Variants in NR2E1 observed in about 807,000 individuals in gnomAD.
NR2E1 encodes nuclear receptor TLX.
A neutral mutation model predicts 43.6 loss-of-function variants in NR2E1; 5 were observed. That is an observed-to-expected ratio of 0.11 (90% CI 0.06 to 0.24). The LOEUF (loss-of-function observed/expected upper bound fraction) is 0.24, where lower values mean the gene tolerates loss of function less well. NR2E1 is among the 10% of genes least tolerant of loss of function. The pLI is 1.00. For synonymous variants in NR2E1, 191 were observed against 195.5 expected (o/e 0.98, Z 0.19); for missense variants, 287 against 496.7 (o/e 0.58, Z 4.01).
intron 3 of NR2E1, chr6:108,176,174 T>C (rs1253040642): frequency 3.1e-5 from 12 of 383,066 alleles, no homozygotes; most frequent in Non-Finnish European, 5.7e-5. Context: ...AGAGGGTCTC[T>C]GGTTTCCCTG....
Position 108,169,906 on chromosome 6 carries a change from C to T in NR2E1, c.26-1552C>T, listed in dbSNP as rs1485509160. ...GTGGCTCTATAGGCAGGTGCTGCCG[C>T]GGGGTTGTAATTACCCGGCCGAGCC... is the stretch of plus-strand genomic sequence containing the variant. On this transcript the variant is annotated intron_variant, in intron 1 of 8. Coordinates refer to ENST00000368986, the MANE Select transcript of NR2E1 (RefSeq NM_003269.5). This position sits in a 1 kb window ranked among gnomAD's most constrained non-coding sequence, Gnocchi z 6.1. Among the ~76,000 whole-genome samples, 1 of 152,128 alleles carries T rather than the reference C, an allele frequency of 6.6e-6. No homozygotes were observed. Among genetic ancestry groups the T allele is most frequent in the Non-Finnish European group, 1.5e-5 (1 of 68,018 alleles).
In NR2E1 at chr6:108,166,584, T is replaced by C. The variant is rs1773711634; in HGVS notation, c.-182T>C. The C allele has an allele frequency of 3.8e-6, 2 of 532,280 alleles. No individual in the cohort carries two copies. Among genetic ancestry groups the C allele is most frequent in the East Asian group, 3.3e-5 (1 of 30,106 alleles). The allele number at this position is 532,280 out of a possible 1,614,324, so 33.0% of individuals were successfully genotyped here. A position where few individuals can be genotyped will look rare whatever the true frequency, so the allele number is the denominator to read the frequency against. ...AACTTAAGGATGCTTAAATTTCCAC[T>C]GTTGGACGAATTCTGAGCGCCCAGG... On this transcript the variant is annotated 5_prime_UTR_variant, in exon 1 of 9. Transcript: ENST00000368986. This position sits in a 1 kb window ranked among gnomAD's most constrained non-coding sequence, Gnocchi z 7.2.
intron 1 of NR2E1, among the ~76,000 whole-genome samples, chr6:108,170,854 A>G (rs1259926335): frequency 1.3e-5 from 2 of 152,186 alleles, no homozygotes; most frequent in South Asian, 2.1e-4. Context: ...CTCACCAAGC[A>G]TTTTTTAAAT....
chr6:108,167,548 G>A (rs1773730027), intron 1 of NR2E1, among the ~76,000 whole-genome samples: 1 of 152,084 alleles, frequency 6.6e-6, no homozygotes, highest in South Asian at 2.1e-4. Flanking sequence ...GTGTGTGTGC[G>A]AGGGCATTTG....
At chr6:108,171,745 C>A in intron 2 of NR2E1, 142 bp downstream of exon 2, 2 of 1,112,904 alleles carry the variant, frequency 1.8e-6, no homozygotes, top group Non-Finnish European at 2.7e-6. Flanking sequence ...CTCCTTCTTG[C>A]CTCAACTCTT....
At chr6:108,170,604 T>A (rs385029) in intron 1 of NR2E1, among the ~76,000 whole-genome samples, 105,058 of 148,650 alleles carry the variant, frequency 0.71, 38,484 homozygotes, top group African/African-American at 0.91. Context: ...ATTCTTAATT[T>A]AAAAAAAAAT....
chr6:108,168,033 C>G, intron 1 of NR2E1: 1 of 1,595,628 alleles, frequency 6.3e-7, no homozygotes, highest in Non-Finnish European at 8.5e-7. Context: ...AGAAATGTTT[C>G]GAGCTGGGGC....
intron 5 of NR2E1, among the ~76,000 whole-genome samples, chr6:108,179,762 A>G (rs1773955156): frequency 6.6e-6 from 1 of 152,064 alleles, no homozygotes; most frequent in African/African-American, 2.4e-5. Context: ...CTGTCCATTT[A>G]TGGGTCTCAG....
chr6:108,169,905 G>A lies in NR2E1; in HGVS notation c.26-1553G>A, dbSNP rs1773777337. Among the ~76,000 whole-genome samples, 1 of 152,072 alleles carries A rather than the reference G, an allele frequency of 6.6e-6. No individual in the cohort carries two copies. The highest frequency in any genetic ancestry group is 2.4e-5 in the African/African-American group (1 of 41,404). The stretch of plus-strand genomic sequence containing the variant: ...GGTGGCTCTATAGGCAGGTGCTGCC[G>A]CGGGGTTGTAATTACCCGGCCGAGC... On this transcript the variant is annotated intron_variant, in intron 1 of 8. Transcript: ENST00000368986. The surrounding 1 kb of genome is among the most constrained non-coding windows in gnomAD (Gnocchi z 6.1).
chr6:108,179,494 G>C (rs563013922), intron 5 of NR2E1, among the ~76,000 whole-genome samples: 2 of 116,540 alleles, frequency 1.7e-5, no homozygotes, highest in South Asian at 2.6e-4. Context: ...ACCACTTCCT[G>C]TGTGTGTGTG....
intron 8 of NR2E1, among the ~76,000 whole-genome samples, chr6:108,186,224 G>C (rs539725402): frequency 6.6e-6 from 1 of 152,102 alleles, no homozygotes; most frequent in Non-Finnish European, 1.5e-5. Context: ...ATCTGCAGGT[G>C]GTCATGAAGC....
intron 1 of NR2E1, chr6:108,168,162 G>A (rs781245407): frequency 5.1e-6 from 8 of 1,579,992 alleles, no homozygotes; most frequent in Middle Eastern, 1.7e-4. Flanking sequence ...ATCTCCAGGA[G>A]GTAAAGCGAC....
chr6:108,170,484 C>T (rs1188210265), intron 1 of NR2E1, among the ~76,000 whole-genome samples: 1 of 151,778 alleles, frequency 6.6e-6, no homozygotes. Context: ...CTCTCCCTGA[C>T]ACTCCTCCAG....
At chr6:108,182,764 G>A (rs1053504443) in intron 8 of NR2E1, among the ~76,000 whole-genome samples, 3 of 151,868 alleles carry the variant, frequency 2.0e-5, no homozygotes, top group African/African-American at 7.3e-5. Context: ...TCACCGTGTT[G>A]GCCAGGCAGG....
At chr6:108,176,984 C>T (rs1322466505) in intron 4 of NR2E1, among the ~76,000 whole-genome samples, 2 of 152,160 alleles carry the variant, frequency 1.3e-5, no homozygotes, top group African/African-American at 2.4e-5. Flanking sequence ...TCTTATCCCC[C>T]CAGAAATTTC....
Position 108,180,471 on chromosome 6 carries a change from C to A in NR2E1, c.739+52C>A. ...TGTTGTAGAAATTACCATAAAAATACATTACTGAAAAAAGAACAACATGTA... is the reference window on the plus strand; with the variant it reads ...TGTTGTAGAAATTACCATAAAAATAAATTACTGAAAAAAGAACAACATGTA... On this transcript the variant is annotated intron_variant, in intron 6 of 8. Transcript: ENST00000368986. This position sits in a 1 kb window ranked among gnomAD's most constrained non-coding sequence, Gnocchi z 5.4. 1 of 1,228,338 alleles carries A rather than the reference C, an allele frequency of 8.1e-7. No individual in the cohort carries two copies. Among genetic ancestry groups the A allele is most frequent in the Non-Finnish European group, 1.2e-6 (1 of 828,290 alleles). The allele number at this position is 1,228,338 out of a possible 1,614,324, so 76.1% of individuals were successfully genotyped here.
intron 4 of NR2E1, 119 bp from the exon 5 acceptor site, chr6:108,177,976 A>G: frequency 1.8e-6 from 2 of 1,126,918 alleles, no homozygotes; most frequent in Non-Finnish European, 2.7e-6. Context: ...ATGTTTAAAC[A>G]AAACATCCAA....
At position 108,180,017 on chromosome 6, in the gene NR2E1, G is replaced by A. The variant is rs996032783; in HGVS notation, c.643-306G>A. ...AGCTGCTGGCATTTCATAAAGCCTCGCTCTCTAGAGGAGCTTCTAGGTGGT... is the reference window on the plus strand; with the variant it reads ...AGCTGCTGGCATTTCATAAAGCCTCACTCTCTAGAGGAGCTTCTAGGTGGT... On this transcript the variant is annotated intron_variant, in intron 5 of 8. Transcript: ENST00000368986. The surrounding 1 kb of genome is among the most constrained non-coding windows in gnomAD (Gnocchi z 5.4). 2.6e-5 allele frequency among the ~76,000 whole-genome samples: 4 copies of A among 151,958 alleles called. No individual in the cohort carries two copies. Among genetic ancestry groups the A allele is most frequent in the African/African-American group, 7.3e-5 (3 of 41,368 alleles).
At position 108,169,136 on chromosome 6, in the gene NR2E1, T is replaced by G. The variant is rs1179104786; in HGVS notation, c.26-2322T>G. Reference sequence around the variant, plus strand: ...CTCGTGACCCCAAGTCACCTTAACGTGGCTGGGTGGCGGAGTCTGAGGCAC... The same window carrying G: ...CTCGTGACCCCAAGTCACCTTAACGGGGCTGGGTGGCGGAGTCTGAGGCAC... On this transcript the variant is annotated intron_variant, in intron 1 of 8. Transcript: ENST00000368986. This position sits in a 1 kb window ranked among gnomAD's most constrained non-coding sequence, Gnocchi z 6.1. Among the ~76,000 whole-genome samples the G allele has an allele frequency of 6.6e-6, 1 of 152,308 alleles. No homozygotes were observed. Among genetic ancestry groups the G allele is most frequent in the East Asian group, 1.9e-4 (1 of 5,168 alleles).
Sources: allele counts gnomAD v4.1 joint callset (sites outside exome capture counted in the v4.1 genomes callset), GRCh38; gene constraint gnomAD v4.1.1; non-coding constraint Gnocchi (gnomAD v3.1); transcripts MANE v1.5; gene names NCBI Gene and HGNC (gene_info 2026-07-23, HGNC 2026-07-21).